ANXA8: variants seen among roughly 807,000 people sequenced by gnomAD.
ANXA8 encodes the protein VAC-beta.
A neutral mutation model predicts 26.8 loss-of-function variants in ANXA8; 9 were observed. The ratio of observed to expected loss-of-function variants is 0.34; its 90% CI spans 0.20 to 0.59. ANXA8 has a LOEUF of 0.59. Ranked by LOEUF, ANXA8 falls within the 20% of genes least tolerant of loss-of-function variation. The pLI, the probability that ANXA8 is intolerant of heterozygous loss-of-function variation, is 0.84. For missense variants in ANXA8, 83 were observed against 238.5 expected (o/e 0.35, Z 4.29); for synonymous variants, 39 against 94.8 (o/e 0.41, Z 3.42).
chr10:47,557,771 T>G, the ANXA8 span, among the ~76,000 whole-genome samples: 7 of 143,848 alleles, frequency 4.9e-5, no homozygotes, highest in African/African-American at 1.6e-4. Context: ...TGTTAATGAT[T>G]AATTATAAAA....
the ANXA8 span, among the ~76,000 whole-genome samples, chr10:47,647,875 T>G: frequency 6.6e-6 from 1 of 151,996 alleles, no homozygotes; most frequent in South Asian, 2.1e-4. Flanking sequence ...AACAACACTG[T>G]GGAAAGCAAA....
At chr10:47,663,503 A>T in the ANXA8 span, among the ~76,000 whole-genome samples, 1 of 134,546 alleles carries the variant, frequency 7.4e-6, no homozygotes, top group Non-Finnish European at 1.5e-5. Flanking sequence ...CTCCTGCCTC[A>T]GCCTCCTGAG....
At chr10:47,955,906 T>C in the ANXA8 span, 1 of 133,614 alleles carries the variant, frequency 7.5e-6, no homozygotes, top group Non-Finnish European at 1.6e-5. Flanking sequence ...ACACACGTTG[T>C]ATAACTGTAC....
chr10:47,603,256 A>G, the ANXA8 span, among the ~76,000 whole-genome samples: 3 of 148,512 alleles, frequency 2.0e-5, no homozygotes, highest in African/African-American at 7.9e-5. Flanking sequence ...ATAAAGGAGA[A>G]TAAGAGATTC....
the ANXA8 span, among the ~76,000 whole-genome samples, chr10:47,603,486 T>A: frequency 6.8e-6 from 1 of 148,048 alleles, no homozygotes; most frequent in Non-Finnish European, 1.5e-5. Flanking sequence ...TTGTTTATAT[T>A]TCATTCACGT....
chr10:47,664,271 G>A, the ANXA8 span, among the ~76,000 whole-genome samples: 4 of 152,160 alleles, frequency 2.6e-5, no homozygotes, highest in South Asian at 6.2e-4. Context: ...CCAGCTACTG[G>A]GGAGGCTGAG....
the ANXA8 span, among the ~76,000 whole-genome samples, chr10:47,552,455 T>C: frequency 1.3e-5 from 2 of 152,040 alleles, no homozygotes; most frequent in African/African-American, 4.8e-5. Context: ...ATAAAAAATT[T>C]AAAACGTTTT....
chr10:47,611,693 C>G, the ANXA8 span, among the ~76,000 whole-genome samples: 14 of 75,088 alleles, frequency 1.9e-4, 5 homozygotes, highest in African/African-American at 5.3e-4. Flanking sequence ...AGCTAGATAA[C>G]AGCCAGTTTT....
At chr10:47,486,846 G>A (rs1257955494), upstream of ANXA8, among the ~76,000 whole-genome samples, 175 of 142,390 alleles carry the variant, frequency 1.2e-3, 10 homozygotes, top group African/African-American at 4.2e-3. Flanking sequence ...GGTGGCCTGC[G>A]CTTGTAGTCC....
the ANXA8 span, among the ~76,000 whole-genome samples, chr10:47,643,444 G>A: frequency 2.7e-5 from 4 of 145,972 alleles, no homozygotes; most frequent in Non-Finnish European, 5.9e-5. Context: ...CAGGAGAACC[G>A]CTTGAACCCC....
chr10:47,476,432 C>T lies in ANXA8; in HGVS notation c.322-110G>A. The stretch of plus-strand genomic sequence containing the variant: ...CCTCAGGAAGGACCTCACTGCCCTG[C>T]CCCACTTGAAGTGGGAGGATGTGAT... On this transcript the variant is annotated intron_variant, in intron 4 of 11. Transcript: ENST00000585281. 5.7e-6 allele frequency: 5 copies of T among 879,698 alleles called. 1 individual carries two copies. Among genetic ancestry groups the T allele is most frequent in the Non-Finnish European group, 8.3e-6 (5 of 602,966 alleles). 54.5% of individuals were successfully genotyped at this position (879,698 alleles called of 1,614,324 possible).
chr10:47,620,771 A>G, the ANXA8 span, among the ~76,000 whole-genome samples: 2 of 108,354 alleles, frequency 1.8e-5, 1 homozygote, highest in Non-Finnish European at 4.0e-5. Context: ...ATTATTTATT[A>G]TATCTATATT....
the ANXA8 span, chr10:47,763,173 C>G: frequency 1.0e-6 from 1 of 989,742 alleles, no homozygotes; most frequent in Non-Finnish European, 1.2e-6. Context: ...TTCCCGGATC[C>G]CGGGGTGGAG....
chr10:47,970,047 A>G, the ANXA8 span: 1 of 151,574 alleles, frequency 6.6e-6, no homozygotes, highest in African/African-American at 2.4e-5. Flanking sequence ...GGAACAAAGG[A>G]ACAAACTTCT....
the ANXA8 span, among the ~76,000 whole-genome samples, chr10:47,525,730 T>C: frequency 3.7e-5 from 5 of 133,802 alleles, no homozygotes; most frequent in African/African-American, 8.4e-5. Context: ...TTGTGTCTTG[T>C]AGATGTATAG....
At chr10:47,907,724 C>T in the ANXA8 span, among the ~76,000 whole-genome samples, 8 of 143,418 alleles carry the variant, frequency 5.6e-5, no homozygotes, top group East Asian at 4.2e-4. Context: ...GCTGAGATTG[C>T]GCCACTGCAC....
the ANXA8 span, among the ~76,000 whole-genome samples, chr10:47,561,605 T>C: frequency 6.6e-6 from 1 of 151,856 alleles, no homozygotes; most frequent in African/African-American, 2.4e-5. Flanking sequence ...TACATGTATG[T>C]CAAAATTTTT....
At chr10:47,954,189 A>T in the ANXA8 span, among the ~76,000 whole-genome samples, 2 of 150,614 alleles carry the variant, frequency 1.3e-5, no homozygotes, top group Non-Finnish European at 2.9e-5. Flanking sequence ...GTACATATAT[A>T]CGATGGAGTA....
the ANXA8 span, among the ~76,000 whole-genome samples, chr10:47,668,611 T>C: frequency 6.6e-6 from 1 of 151,582 alleles, no homozygotes; most frequent in Admixed American, 6.6e-5. Flanking sequence ...TTTATTTATT[T>C]ATTTTTTATT....
Sources: allele counts gnomAD v4.1 joint callset (sites outside exome capture counted in the v4.1 genomes callset), GRCh38; gene constraint gnomAD v4.1.1; transcripts MANE v1.5; gene names NCBI Gene and HGNC (gene_info 2026-07-23, HGNC 2026-07-21).